Variants in PTPRN2 observed in about 807,000 individuals in gnomAD.
PTPRN2 encodes protein tyrosine phosphatase receptor type N2, also known as receptor-type tyrosine-protein phosphatase N2.
Under a neutral mutation model 118.8 loss-of-function variants are expected in PTPRN2, and 74 were observed. That is an observed-to-expected ratio of 0.62 (90% confidence interval 0.52 to 0.76). The LOEUF (loss-of-function observed/expected upper bound fraction) is 0.76, where lower values mean the gene tolerates loss of function less well. Ranked by LOEUF, PTPRN2 falls within the 30% of genes least tolerant of loss-of-function variation. PTPRN2 has a pLI of 0.00. For synonymous variants in PTPRN2, 641 were observed against 608.0 expected (o/e 1.05, Z -0.80); for missense variants, 1,481 against 1,394.4 (o/e 1.06, Z -0.99).
At chr7:158,341,035 AC>A (rs146045497) in intron 2 of PTPRN2, among the ~76,000 whole-genome samples, 12 of 12,734 alleles carry the variant, frequency 9.4e-4, no homozygotes, top group South Asian at 3.0e-3. Flanking sequence ...ACCCACACTC[AC>A]CATGAGGTGA....
intron 3 of PTPRN2, among the ~76,000 whole-genome samples, chr7:158,263,205 C>T (rs753936602): frequency 3.3e-5 from 5 of 152,182 alleles, no homozygotes; most frequent in African/African-American, 4.8e-5. Flanking sequence ...ACTGCACATG[C>T]GGTACCTGTG....
At position 157,578,035 on chromosome 7, in the gene PTPRN2, A is replaced by G; in HGVS notation, c.2602T>C (p.Tyr868His). Residue 868 changes from tyrosine to histidine, a missense_variant, in exon 18 of 23, where the codon TAC becomes CAC. Around this residue, in one of 3 missense-constraint regions of PTPRN2, gnomAD observed 362 missense variants for 384.1 expected, o/e 0.94. Transcript: ENST00000389418. ...HYWPDEGSNL[Y>H]HIYEVNLVSE... ...GGTCGGAGTACCTCATAGATGTGGT[A>G]GAGATTGGAGCCTTCATCCGGCCAG... The G allele has an allele frequency of 6.2e-7, 1 of 1,611,618 alleles. No homozygotes were observed. The highest frequency in any genetic ancestry group is 1.3e-5 in the African/African-American group (1 of 74,986).
rs182268829 is a variant in PTPRN2, at chr7:158,133,148, C to T, written c.1556+529G>A. On this transcript the variant is annotated intron_variant, in intron 9 of 22. Coordinates refer to ENST00000389418, the MANE Select transcript of PTPRN2 (RefSeq NM_002847.5). ...GAAGCCCCTTCTTCCTTCTGAAGGGCGCCCACGCCAGGATATTTGGGCCAC... is the reference window on the plus strand; with the variant it reads ...GAAGCCCCTTCTTCCTTCTGAAGGGTGCCCACGCCAGGATATTTGGGCCAC... 3.5e-4 allele frequency among the ~76,000 whole-genome samples: 53 copies of T among 152,292 alleles called. 1 individual carries two copies. The Middle Eastern group carries it at 0.01, about 29-fold the overall frequency.
At chr7:158,236,494 T>C (rs1488767788) in intron 3 of PTPRN2, among the ~76,000 whole-genome samples, 2 of 152,054 alleles carry the variant, frequency 1.3e-5, no homozygotes, top group African/African-American at 2.4e-5. Context: ...TGCCCGAAGG[T>C]GGGGTCTGCC....
At chr7:158,489,898 C>T in intron 1 of PTPRN2, 113 bp from the exon 2 acceptor site, 1 of 991,684 alleles carries the variant, frequency 1.0e-6, no homozygotes, top group Admixed American at 2.3e-5. Flanking sequence ...GTCAAGCAGG[C>T]TCCTCCGACC....
At chr7:158,495,569 T>G (rs1821780900) in intron 1 of PTPRN2, among the ~76,000 whole-genome samples, 1 of 152,026 alleles carries the variant, frequency 6.6e-6, no homozygotes, top group Non-Finnish European at 1.5e-5. Context: ...CAGCATCCCC[T>G]CCTGGCAGCA....
intron 1 of PTPRN2, among the ~76,000 whole-genome samples, chr7:158,533,516 G>A (rs534157196): frequency 3.1e-4 from 47 of 152,262 alleles, no homozygotes; most frequent in East Asian, 7.7e-4. Context: ...GTCCACTCCC[G>A]GAGGCACCGC....
Position 158,546,621 on chromosome 7 carries a change from C to T in PTPRN2, c.112+40937G>A, listed in dbSNP as rs150377280. Among the ~76,000 whole-genome samples, 76 of 152,268 alleles carry T rather than the reference C, an allele frequency of 5.0e-4. No homozygotes were observed. The highest frequency in any genetic ancestry group is 1.6e-3 in the African/African-American group (66 of 41,544). Reference sequence around the variant, plus strand: ...GGCCACACCTTGACGTGGGAGGCCACGGGACAGACGCCACCTCTCCCGAGT... The same window carrying T: ...GGCCACACCTTGACGTGGGAGGCCATGGGACAGACGCCACCTCTCCCGAGT... On this transcript the variant is annotated intron_variant, in intron 1 of 22. Transcript: ENST00000389418. This position sits in a 1 kb window ranked among gnomAD's most constrained non-coding sequence, Gnocchi z 5.0.
intron 3 of PTPRN2, among the ~76,000 whole-genome samples, chr7:158,234,821 G>A (rs1829422119): frequency 6.6e-6 from 1 of 152,112 alleles, no homozygotes; most frequent in African/African-American, 2.4e-5. Context: ...GGAGTGCAAT[G>A]GCACAATCTC....
At chr7:157,633,551 C>T (rs114947944) in intron 14 of PTPRN2, among the ~76,000 whole-genome samples, 3 of 152,312 alleles carry the variant, frequency 2.0e-5, no homozygotes, top group African/African-American at 4.8e-5. Flanking sequence ...ACAAGAGTCA[C>T]GACGCAGAGC....
chr7:157,600,018 C>A (rs1801579539), intron 16 of PTPRN2, among the ~76,000 whole-genome samples: 1 of 98,404 alleles, frequency 1.0e-5, no homozygotes, highest in African/African-American at 4.5e-5. Context: ...CACCTGCCCA[C>A]CTCTCCACCT....
intron 11 of PTPRN2, among the ~76,000 whole-genome samples, chr7:158,070,473 TGGA>T (rs1334346508): frequency 7.8e-6 from 1 of 128,718 alleles, no homozygotes; most frequent in African/African-American, 3.2e-5. Flanking sequence ...CCCGTGGTGG[TGGA>T]GGTGCTCCTG....
intron 12 of PTPRN2, among the ~76,000 whole-genome samples, chr7:157,757,879 C>T (rs1427062783): frequency 6.6e-6 from 1 of 152,252 alleles, no homozygotes; most frequent in African/African-American, 2.4e-5. Context: ...GGCTCCGCCC[C>T]TGACGCCCGA....
At chr7:158,432,727 C>T (rs533458626) in intron 2 of PTPRN2, among the ~76,000 whole-genome samples, 2 of 152,242 alleles carry the variant, frequency 1.3e-5, no homozygotes, top group South Asian at 2.1e-4. Context: ...CAGCCTGGCC[C>T]GGGATTTCCA....
chr7:158,301,011 G>C (rs1005013721), intron 3 of PTPRN2, among the ~76,000 whole-genome samples: 3 of 152,158 alleles, frequency 2.0e-5, no homozygotes, highest in Non-Finnish European at 4.4e-5. Flanking sequence ...ATTTGCATTT[G>C]AAACCAGCAA....
intron 14 of PTPRN2, among the ~76,000 whole-genome samples, chr7:157,651,715 T>C (rs1438193980): frequency 1.3e-5 from 2 of 152,246 alleles, no homozygotes; most frequent in South Asian, 2.1e-4. Flanking sequence ...CAGGATTTCT[T>C]GAGAAGCCAC....
At chr7:158,400,110 C>T (rs2151400985) in intron 2 of PTPRN2, among the ~76,000 whole-genome samples, 1 of 152,284 alleles carries the variant, frequency 6.6e-6, no homozygotes, top group Middle Eastern at 3.4e-3. Context: ...GCCTTTATGT[C>T]ATCGTTAAAG....
intron 3 of PTPRN2, among the ~76,000 whole-genome samples, chr7:158,253,461 C>T (rs1448348785): frequency 3.3e-5 from 5 of 152,198 alleles, no homozygotes; most frequent in South Asian, 2.1e-4. Context: ...TTCCAGTCAC[C>T]GGGTGATTGC....
rs373060255 is a variant in PTPRN2, at chr7:157,600,209, C to A, written c.2418+3793G>T. On this transcript the variant is annotated intron_variant, in intron 16 of 22. Transcript: ENST00000389418. ...CCTGCCCACCTCTCCACCTGCCCAC[C>A]TCTCCACCTGCCCACCTCTCCACCT... is the stretch of plus-strand genomic sequence containing the variant. Among the ~76,000 whole-genome samples the A allele has an allele frequency of 9.5e-4, 130 of 137,264 alleles. No individual in the cohort carries two copies. In the South Asian group the frequency reaches 0.032, roughly 33 times the overall value. The allele number at this position is 137,264 out of a possible 152,430, so 90.1% of individuals were successfully genotyped here. A position where few individuals can be genotyped will look rare whatever the true frequency, so the allele number is the denominator to read the frequency against.
Sources: gnomAD v4.1 joint callset for allele counts (sites outside exome capture counted in the v4.1 genomes callset) on GRCh38, gnomAD v4.1.1 for gene constraint, gnomAD v4.1.1 regional missense constraint, Gnocchi (gnomAD v3.1) non-coding constraint, MANE v1.5 for transcripts, NCBI Gene and HGNC (gene_info 2026-07-23, HGNC 2026-07-21) for gene names.